CEP68: variants seen among roughly 807,000 people sequenced by gnomAD.
CEP68 encodes centrosomal protein of 68 kDa.
In CEP68, 26 loss-of-function variants were observed where a neutral mutation model predicts 55.3. The ratio of observed to expected loss-of-function variants is 0.47; its 90% confidence interval spans 0.34 to 0.65. The LOEUF (loss-of-function observed/expected upper bound fraction) is 0.65. Among genes scored for constraint, CEP68 ranks in the 30% least tolerant of loss-of-function variants. The pLI is 0.01. For synonymous variants in CEP68, 402 were observed against 383.2 expected, an observed-to-expected ratio of 1.05 and a Z score of -0.57; for missense variants, 957 against 946.7, an observed-to-expected ratio of 1.01 and a Z score of -0.14.
chr2:65,074,870 T>TG lies in CEP68; in HGVS notation c.2007+467dup, dbSNP rs1384933273. 31 of 249,750 alleles carry TG rather than the reference T, an allele frequency of 1.2e-4. No individual in the cohort carries two copies. The South Asian group carries it at 1.4e-3, about 11-fold the overall frequency. 15.5% of individuals were successfully genotyped at this position (249,750 alleles called of 1,614,324 possible). A position where few individuals can be genotyped will look rare whatever the true frequency, so the allele number is the denominator to read the frequency against. ...GTCTCAGGGATTATAAATACAGACT[T>TG]GCACTATTATGACGCCTCTAGTTAT... On this transcript the variant is annotated intron_variant, in intron 4 of 6. Transcript: ENST00000377990.
At chr2:65,081,854 C>T (rs1668837314) in intron 5 of CEP68, among the ~76,000 whole-genome samples, 1 of 152,176 alleles carries the variant, frequency 6.6e-6, no homozygotes, top group Non-Finnish European at 1.5e-5. Context: ...GCCACCACAC[C>T]CGGCTAATTT....
chr2:65,080,747 G>GC (rs1422862735), intron 5 of CEP68, among the ~76,000 whole-genome samples: 2 of 152,134 alleles, frequency 1.3e-5, no homozygotes, highest in Non-Finnish European at 2.9e-5. Context: ...GAACCCGGGA[G>GC]GCAGAGGTTG....
rs1376227503 is a variant in CEP68, at chr2:65,071,567, A to G, written c.471A>G (p.Leu157=). Residue 157 remains leucine, a synonymous_variant, in exon 3 of 7, where the codon CTA becomes CTG. Transcript: ENST00000377990. ...CTGATACCGAAGATGATCCATCCCT[A>G]GCAGATTTGCCCCAGGCACTGGACC... ...HDADTEDDPS[L]ADLPQALDLS... The G allele has an allele frequency of 1.2e-6, 2 of 1,614,058 alleles. No individual in the cohort carries two copies. The highest frequency in any genetic ancestry group is 1.7e-6 in the Non-Finnish European group (2 of 1,180,030).
At chr2:65,081,008 C>T (rs1250864506) in intron 5 of CEP68, among the ~76,000 whole-genome samples, 3 of 151,918 alleles carry the variant, frequency 2.0e-5, no homozygotes, top group African/African-American at 4.8e-5. Flanking sequence ...GTCAGGAGTT[C>T]GAGACCAGCC....
chr2:65,059,650 C>G (rs988633433), intron 1 of CEP68, among the ~76,000 whole-genome samples: 1 of 152,162 alleles, frequency 6.6e-6, no homozygotes, highest in Non-Finnish European at 1.5e-5. Flanking sequence ...TATAGGCACC[C>G]AAGGAATGGT....
intron 5 of CEP68, among the ~76,000 whole-genome samples, chr2:65,079,088 A>G (rs1417143171): frequency 6.6e-6 from 1 of 152,182 alleles, no homozygotes; most frequent in Non-Finnish European, 1.5e-5. Flanking sequence ...CAGCCTGCCT[A>G]TATTATGCCT....
intron 1 of CEP68, among the ~76,000 whole-genome samples, chr2:65,056,767 G>C (rs1296269712): frequency 6.6e-6 from 1 of 152,096 alleles, no homozygotes; most frequent in Non-Finnish European, 1.5e-5. Context: ...AACGGCGTGT[G>C]CTGTGGCGGC....
chr2:65,082,502 T>C, intron 5 of CEP68, 34 bp from the exon 6 acceptor site: 2 of 1,489,482 alleles, frequency 1.3e-6, no homozygotes, highest in Non-Finnish European at 1.8e-6. Context: ...ATGGGTTTTA[T>C]TTCTGGTTTA....
chr2:65,071,421 C>T, intron 2 of CEP68, 33 bp from the exon 3 acceptor site: 1 of 1,569,974 alleles, frequency 6.4e-7, no homozygotes, highest in Middle Eastern at 1.7e-4. Context: ...TTGATTTTTA[C>T]CCAAGTGCTT....
intron 1 of CEP68, among the ~76,000 whole-genome samples, chr2:65,064,032 C>T (rs573290220): frequency 5.3e-5 from 8 of 152,300 alleles, no homozygotes; most frequent in African/African-American, 1.9e-4. Flanking sequence ...TATGAAGGGA[C>T]TGTTTATCCA....
chr2:65,081,376 T>C (rs1369147515), intron 5 of CEP68, among the ~76,000 whole-genome samples: 1 of 152,116 alleles, frequency 6.6e-6, no homozygotes, highest in Non-Finnish European at 1.5e-5. Flanking sequence ...CCCTAGGAGA[T>C]CTCAATACAG....
At chr2:65,078,472 T>G (rs144450193) in intron 5 of CEP68, among the ~76,000 whole-genome samples, 2 of 152,176 alleles carry the variant, frequency 1.3e-5, no homozygotes, top group Non-Finnish European at 2.9e-5. Context: ...AGGGAACAGA[T>G]TGAATGAAGA....
intron 4 of CEP68, among the ~76,000 whole-genome samples, chr2:65,077,401 GT>G (rs1374909107): frequency 6.6e-6 from 1 of 152,206 alleles, no homozygotes; most frequent in Admixed American, 6.5e-5. Context: ...CTTCCCAGAT[GT>G]TGAGGTAGTT....
In CEP68 at chr2:65,072,066, C is replaced by T. The variant is rs1558562320; in HGVS notation, c.970C>T (p.Pro324Ser). The T allele has an allele frequency of 1.2e-6, 2 of 1,613,936 alleles. No homozygotes were observed. Among genetic ancestry groups the T allele is most frequent in the Admixed American group, 1.7e-5 (1 of 60,016 alleles). Residue 324 changes from proline to serine, a missense_variant, in exon 3 of 7, where the codon CCA becomes TCA. By Grantham distance (74) the Pro-to-Ser change is moderately conservative. Transcript: ENST00000377990. ...QLPKHLDSRVPADPVLQDSGV... is the reference protein window; with the variant it reads ...QLPKHLDSRVSADPVLQDSGV... ...CCCAAAGCACCTTGATAGCCGTGTG[C>T]CAGCTGACCCTGTCCTGCAGGACTC...
intron 5 of CEP68, 29 bp downstream of exon 5, chr2:65,077,993 C>A: frequency 6.5e-7 from 1 of 1,548,544 alleles, no homozygotes; most frequent in Non-Finnish European, 8.9e-7. Context: ...TGGATTTAGC[C>A]AGAGCTTAAT....
Position 65,072,081 on chromosome 2 carries a change from C to T in CEP68, c.985C>T (p.Leu329=), listed in dbSNP as rs373805563. 66 of 1,613,950 alleles carry T rather than the reference C, an allele frequency of 4.1e-5. No homozygotes were observed. The highest frequency in any genetic ancestry group is 5.2e-5 in the Non-Finnish European group (61 of 1,180,010). The part of the protein sequence containing the change: ...LDSRVPADPV[L]QDSGVDLDSF... Reference sequence around the variant, plus strand: ...TAGCCGTGTGCCAGCTGACCCTGTCCTGCAGGACTCCGGGGTAGACCTGGA... The same window carrying T: ...TAGCCGTGTGCCAGCTGACCCTGTCTTGCAGGACTCCGGGGTAGACCTGGA... The change falls in exon 3 of 7, where the codon CTG becomes TTG. Residue 329 remains leucine (L), a synonymous_variant. Coordinates refer to ENST00000377990, the MANE Select transcript of CEP68 (RefSeq NM_015147.3).
At chr2:65,078,223 T>C in intron 5 of CEP68, among the ~76,000 whole-genome samples, 1 of 152,226 alleles carries the variant, frequency 6.6e-6, no homozygotes, top group East Asian at 1.9e-4. Context: ...AATGACGCTG[T>C]CTTTTGCTTC....
At chr2:65,079,670 G>A (rs368868665) in intron 5 of CEP68, among the ~76,000 whole-genome samples, 192 of 152,334 alleles carry the variant, frequency 1.3e-3, no homozygotes, top group African/African-American at 4.3e-3. Flanking sequence ...GCACATCAGT[G>A]TTCTCCATTT....
intron 6 of CEP68, 116 bp downstream of exon 6, chr2:65,082,825 G>A: frequency 1.2e-6 from 1 of 848,948 alleles, no homozygotes. Context: ...GATACTGGAA[G>A]AAGACAGCCA....
Sources: allele counts gnomAD v4.1 joint callset (sites outside exome capture counted in the v4.1 genomes callset), GRCh38; gene constraint gnomAD v4.1.1; transcripts MANE v1.5; gene names NCBI Gene and HGNC (gene_info 2026-07-23, HGNC 2026-07-21).